The following PRKG1 variants were observed in gnomAD, a reference collection of about 807,000 sequenced individuals.
PRKG1 encodes protein kinase cGMP-dependent 1.
Under a neutral mutation model 88.1 loss-of-function variants are expected in PRKG1, and 35 were observed. That is an observed-to-expected ratio of 0.40 (90% CI 0.30 to 0.53). The LOEUF (loss-of-function observed/expected upper bound fraction) is 0.53, where lower values mean the gene tolerates loss of function less well. Among genes scored for constraint, PRKG1 ranks in the 20% least tolerant of loss-of-function variants. The pLI, the probability that PRKG1 is intolerant of heterozygous loss-of-function variation, is 0.59. For missense variants in PRKG1, 540 were observed against 839.8 expected (o/e 0.64, Z 4.41); for synonymous variants, 303 against 292.5 (o/e 1.04, Z -0.37).
intron 4 of PRKG1, among the ~76,000 whole-genome samples, chr10:51,816,443 A>C (rs1396126425): frequency 1.3e-5 from 2 of 152,162 alleles, no homozygotes; most frequent in African/African-American, 4.8e-5. Flanking sequence ...GAATATGTGC[A>C]AAAATCATTA....
At chr10:51,366,053 A>G (rs752389446) in intron 2 of PRKG1, among the ~76,000 whole-genome samples, 2 of 151,898 alleles carry the variant, frequency 1.3e-5, no homozygotes, top group Non-Finnish European at 2.9e-5. Context: ...ATAGTTTTAT[A>G]TTATTTGGTT....
At chr10:51,951,975 G>T (rs1323314133) in intron 5 of PRKG1, among the ~76,000 whole-genome samples, 1 of 152,140 alleles carries the variant, frequency 6.6e-6, no homozygotes, top group Non-Finnish European at 1.5e-5. Flanking sequence ...TGTTCATAAA[G>T]GTGTTATTGG....
chr10:52,095,901 C>A (rs558806925), intron 7 of PRKG1, among the ~76,000 whole-genome samples: 17 of 152,158 alleles, frequency 1.1e-4, no homozygotes, highest in Non-Finnish European at 2.4e-4. Context: ...GATATGTTAG[C>A]CTTGATATGC....
At chr10:51,699,864 C>T (rs1316097827) in intron 3 of PRKG1, among the ~76,000 whole-genome samples, 1 of 152,210 alleles carries the variant, frequency 6.6e-6, no homozygotes, top group Non-Finnish European at 1.5e-5. Context: ...GAGATGACCA[C>T]AGTAAAGATG....
chr10:52,096,456 A>T (rs1418372997), intron 7 of PRKG1, among the ~76,000 whole-genome samples: 1 of 152,186 alleles, frequency 6.6e-6, no homozygotes, highest in Non-Finnish European at 1.5e-5. Context: ...CTGAAACAGG[A>T]AACCAACTTG....
rs575357927 is a variant in PRKG1, at chr10:51,210,116, T to A, written c.478+56786T>A. On this transcript the variant is annotated intron_variant, in intron 2 of 17. Coordinates refer to ENST00000373980, the MANE Select transcript of PRKG1 (RefSeq NM_006258.4). ...AGAACAGAAATTATAACAAACTGTC[T>A]CTCAGACCACAGTGCAATCAAACTA... is the stretch of plus-strand genomic sequence containing the variant. Among the ~76,000 whole-genome samples, 536 of 152,218 alleles carry A rather than the reference T, an allele frequency of 3.5e-3. 4 individuals are homozygous for A. The highest frequency in any genetic ancestry group is 4.9e-3 in the Non-Finnish European group (336 of 68,010).
In PRKG1 at chr10:51,734,963, C is replaced by T. The variant is rs541681563; in HGVS notation, c.593-69622C>T. Among the ~76,000 whole-genome samples, 14 of 152,172 alleles carry T rather than the reference C, an allele frequency of 9.2e-5. No homozygotes were observed. The East Asian group carries it at 1.9e-3, about 21-fold the overall frequency. ...AGTGAAGGATTCTGCAGGAAAGTACCGGTCATTCTCATTTGTGGGAGGATT... is the reference window on the plus strand; with the variant it reads ...AGTGAAGGATTCTGCAGGAAAGTACTGGTCATTCTCATTTGTGGGAGGATT... On this transcript the variant is annotated intron_variant, in intron 3 of 17. Transcript: ENST00000373980.
intron 2 of PRKG1, among the ~76,000 whole-genome samples, chr10:51,290,426 A>T (rs1159097721): frequency 6.6e-6 from 1 of 152,122 alleles, no homozygotes; most frequent in Non-Finnish European, 1.5e-5. Flanking sequence ...GATTTCCAAA[A>T]ATATATATCA....
At chr10:51,012,049 G>A (rs986807036) in intron 1 of PRKG1, among the ~76,000 whole-genome samples, 10 of 152,180 alleles carry the variant, frequency 6.6e-5, no homozygotes, top group Non-Finnish European at 1.5e-4. Context: ...CAGCACAGGA[G>A]AGACACACTC....
chr10:51,919,459 TA>T (rs985906315), intron 5 of PRKG1, among the ~76,000 whole-genome samples: 46 of 152,208 alleles, frequency 3.0e-4, no homozygotes, highest in Admixed American at 6.5e-4. Flanking sequence ...TACTTACACC[TA>T]AAAATTATTA....
At chr10:51,903,195 A>G (rs896879014) in intron 4 of PRKG1, among the ~76,000 whole-genome samples, 1 of 152,156 alleles carries the variant, frequency 6.6e-6, no homozygotes, top group African/African-American at 2.4e-5. Context: ...TTGTCGTAAA[A>G]TGAGAGACTA....
intron 2 of PRKG1, among the ~76,000 whole-genome samples, chr10:51,156,348 A>G (rs951326138): frequency 4.2e-5 from 5 of 118,216 alleles, no homozygotes; most frequent in African/African-American, 1.5e-4. Context: ...AATAAGAAAG[A>G]AATACTCATG....
intron 3 of PRKG1, among the ~76,000 whole-genome samples, chr10:51,517,781 T>A (rs1841628216): frequency 6.6e-6 from 1 of 152,230 alleles, no homozygotes; most frequent in East Asian, 1.9e-4. Flanking sequence ...GAATGTTTTC[T>A]TCCTCCAGAG....
chr10:51,802,266 A>G (rs1379325593), intron 3 of PRKG1, among the ~76,000 whole-genome samples: 1 of 152,176 alleles, frequency 6.6e-6, no homozygotes, highest in Non-Finnish European at 1.5e-5. Flanking sequence ...GCTAAATATA[A>G]AAATGGTTTT....
intron 2 of PRKG1, among the ~76,000 whole-genome samples, chr10:51,174,208 A>G (rs1461841802): frequency 3.3e-5 from 5 of 151,920 alleles, no homozygotes; most frequent in Non-Finnish European, 2.9e-5. Flanking sequence ...TATTTTTTCA[A>G]TTAAGAAAAG....
Position 51,043,555 on chromosome 10 carries a change from T to C in PRKG1, c.266+51911T>C, listed in dbSNP as rs140752000. 1.5e-3 allele frequency among the ~76,000 whole-genome samples: 234 copies of C among 152,310 alleles called. 2 individuals carry two copies. The highest frequency in any genetic ancestry group is 5.6e-3 in the African/African-American group (232 of 41,578). ...TATACAATATGACAATTTCTAGTAA[T>C]GGTCTGTCTCCTCATCAGACTGTAA... On this transcript the variant is annotated intron_variant, in intron 1 of 17. Transcript: ENST00000401604.
chr10:51,669,492 C>T lies in PRKG1; in HGVS notation c.593-135093C>T, dbSNP rs1019751576. Among the ~76,000 whole-genome samples, 4 of 152,304 alleles carry T rather than the reference C, an allele frequency of 2.6e-5. No individual in the cohort carries two copies. The East Asian group carries it at 7.7e-4, about 29-fold the overall frequency. On this transcript the variant is annotated intron_variant, in intron 3 of 17. Coordinates refer to ENST00000373980, the MANE Select transcript of PRKG1 (RefSeq NM_006258.4). ...AGAGGGGAAGGGAGTGGGCACAATT[C>T]AGCTCATAGCACATAATATGGACTG...
intron 1 of PRKG1, among the ~76,000 whole-genome samples, chr10:51,132,613 A>G (rs143452540): frequency 0.016 from 2,376 of 150,594 alleles, 35 homozygotes; most frequent in Non-Finnish European, 0.022. Context: ...TAATAAAAAG[A>G]CAGAGCCTAT....
intron 4 of PRKG1, among the ~76,000 whole-genome samples, chr10:51,852,300 C>T (rs895632961): frequency 1.9e-4 from 29 of 149,556 alleles, no homozygotes; most frequent in Middle Eastern, 7.1e-3. Flanking sequence ...TGTTTTTTCT[C>T]CAACAGGTTG....
Sources: allele counts gnomAD v4.1 joint callset (sites outside exome capture counted in the v4.1 genomes callset), GRCh38; gene constraint gnomAD v4.1.1; transcripts MANE v1.5; gene names NCBI Gene and HGNC (gene_info 2026-07-23, HGNC 2026-07-21).